Variants in MARCHF1 observed in about 807,000 individuals in gnomAD.
The protein encoded by MARCHF1 is E3 ubiquitin-protein ligase MARCHF1.
In MARCHF1, 40 loss-of-function variants were observed where a neutral mutation model predicts 54.2. The observed-to-expected ratio is 0.74, with a 90% CI of 0.57 to 0.96. The LOEUF (loss-of-function observed/expected upper bound fraction) is 0.96. Among genes scored for constraint, MARCHF1 ranks in the 40% least tolerant of loss-of-function variants. The pLI, the probability that MARCHF1 is intolerant of heterozygous loss-of-function variation, is 0.00. For synonymous variants in MARCHF1, 236 were observed against 236.3 expected, an observed-to-expected ratio of 1.00 and a Z score of 0.01; for missense variants, 586 against 656.5, an observed-to-expected ratio of 0.89 and a Z score of 1.17.
intron 3 of MARCHF1, among the ~76,000 whole-genome samples, chr4:163,913,520 T>C (rs1751241467): frequency 1.3e-5 from 2 of 152,168 alleles, no homozygotes; most frequent in South Asian, 2.1e-4. Context: ...CCACTACCTC[T>C]ATGGAATCCT....
intron 4 of MARCHF1, among the ~76,000 whole-genome samples, chr4:163,796,066 A>C (rs1747905863): frequency 6.6e-6 from 1 of 152,036 alleles, no homozygotes; most frequent in South Asian, 2.1e-4. Flanking sequence ...AGGAGCAAAA[A>C]GAGGGGTTGG....
intron 2 of MARCHF1, among the ~76,000 whole-genome samples, chr4:164,035,930 T>TAAA (rs35474146): frequency 6.0e-5 from 7 of 116,562 alleles, no homozygotes; most frequent in Admixed American, 9.2e-5. Flanking sequence ...AAACTAAAAC[T>TAAA]AAAAAAAAAA....
Position 163,634,774 on chromosome 4 carries a change from C to G in MARCHF1, c.163-21381G>C, listed in dbSNP as rs960563024. 3.9e-4 allele frequency among the ~76,000 whole-genome samples: 56 copies of G among 143,502 alleles called. 1 individual carries two copies. The highest frequency in any genetic ancestry group is 1.4e-3 in the African/African-American group (54 of 37,396). The allele number at this position is 143,502 out of a possible 152,430, so 94.1% of individuals were successfully genotyped here. A position where few individuals can be genotyped will look rare whatever the true frequency, so the allele number is the denominator to read the frequency against. ...AATAGACATCTACAGAAGTCTCCAC[C>G]CCAAATCAACAGAATATACATTTTT... On this transcript the variant is annotated intron_variant, in intron 5 of 9. Transcript: ENST00000514618.
chr4:163,700,992 C>T (rs1230392017), intron 4 of MARCHF1, 129 bp from the exon 5 acceptor site: 4 of 614,894 alleles, frequency 6.5e-6, no homozygotes, highest in Non-Finnish European at 8.6e-6. Flanking sequence ...GACTAATACA[C>T]ATATTAATTG....
chr4:163,752,561 T>A (rs1746555111), intron 4 of MARCHF1, among the ~76,000 whole-genome samples: 1 of 152,192 alleles, frequency 6.6e-6, no homozygotes, highest in Non-Finnish European at 1.5e-5. Context: ...GCATTATTAT[T>A]ATAAAAAGAA....
chr4:164,155,528 C>G (rs2110922920), intron 1 of MARCHF1, among the ~76,000 whole-genome samples: 1 of 152,252 alleles, frequency 6.6e-6, no homozygotes, highest in East Asian at 1.9e-4. Context: ...ACACACTTAA[C>G]AGTTCTTGTT....
At chr4:163,656,217 A>G (rs1743135331) in intron 5 of MARCHF1, among the ~76,000 whole-genome samples, 1 of 151,982 alleles carries the variant, frequency 6.6e-6, no homozygotes, top group Non-Finnish European at 1.5e-5. Flanking sequence ...AAAATGACAA[A>G]GAGGATATCA....
chr4:164,188,657 G>T, intron 1 of MARCHF1: 1 of 1,090,824 alleles, frequency 9.2e-7, no homozygotes, highest in South Asian at 1.2e-5. Context: ...CACGGTCTTT[G>T]ACGCCAAGTG....
At chr4:163,587,386 G>A (rs1420498657) in intron 7 of MARCHF1, among the ~76,000 whole-genome samples, 1 of 152,124 alleles carries the variant, frequency 6.6e-6, no homozygotes, top group Non-Finnish European at 1.5e-5. Context: ...ATCAGTGGTG[G>A]ACTGCATAAA....
At chr4:164,340,416 T>TATATATATATAC (rs1729886208) in intron 1 of MARCHF1, among the ~76,000 whole-genome samples, 1 of 107,432 alleles carries the variant, frequency 9.3e-6, no homozygotes, top group Non-Finnish European at 1.9e-5. Flanking sequence ...TATATATAGA[T>TATATATATATAC]ATATATATAT....
intron 3 of MARCHF1, among the ~76,000 whole-genome samples, chr4:163,936,572 G>C (rs114488774): frequency 3.3e-5 from 5 of 152,144 alleles, no homozygotes; most frequent in African/African-American, 1.2e-4. Context: ...GCTAATGATG[G>C]TACTTCAAGC....
intron 2 of MARCHF1, among the ~76,000 whole-genome samples, chr4:163,996,924 ACTTCTAGCCTCCAGAAC>A (rs1753088028): frequency 6.6e-6 from 1 of 151,988 alleles, no homozygotes; most frequent in South Asian, 2.1e-4. Context: ...TTTGATCTGG[ACTTCTAGCCTCCAGAAC>A]CATGACAATA....
intron 1 of MARCHF1, among the ~76,000 whole-genome samples, chr4:164,122,226 C>A (rs1443722034): frequency 2.0e-5 from 3 of 152,080 alleles, no homozygotes; most frequent in African/African-American, 7.2e-5. Flanking sequence ...GACAGTGATA[C>A]AAGAGTTAAG....
chr4:163,669,052 T>G (rs1743638556), intron 5 of MARCHF1, among the ~76,000 whole-genome samples: 2 of 152,174 alleles, frequency 1.3e-5, no homozygotes, highest in African/African-American at 4.8e-5. Context: ...TGCTTCAAGC[T>G]GAGTGATTTT....
rs112899031 is a variant in MARCHF1, at chr4:164,028,046, G to A, written c.-247-39337C>T. 3.0e-3 allele frequency among the ~76,000 whole-genome samples: 451 copies of A among 152,168 alleles called. 1 individual carries two copies. The highest frequency in any genetic ancestry group is 5.6e-3 in the Non-Finnish European group (381 of 67,992). On this transcript the variant is annotated intron_variant, in intron 2 of 9. Coordinates refer to ENST00000514618, the MANE Select transcript of MARCHF1 (RefSeq NM_001394959.1). Reference sequence around the variant, plus strand: ...CACAATATCTCATACTAGTCAAAATGGCTATTATTAAAAAGTCAAAAATAA... The same window carrying A: ...CACAATATCTCATACTAGTCAAAATAGCTATTATTAAAAAGTCAAAAATAA...
intron 1 of MARCHF1, among the ~76,000 whole-genome samples, chr4:164,196,663 A>AGTC (rs1731267704): frequency 2.0e-5 from 3 of 152,308 alleles, no homozygotes; most frequent in African/African-American, 7.2e-5. Flanking sequence ...AAAGGACTAT[A>AGTC]CTTAAAAGAA....
chr4:163,539,100 A>T (rs980430738), intron 9 of MARCHF1, among the ~76,000 whole-genome samples: 2 of 151,990 alleles, frequency 1.3e-5, no homozygotes, highest in African/African-American at 2.4e-5. Context: ...AGCTCACTGC[A>T]ACCTTTGACT....
intron 3 of MARCHF1, among the ~76,000 whole-genome samples, chr4:163,903,781 T>A (rs958873564): frequency 6.6e-6 from 1 of 151,966 alleles, no homozygotes; most frequent in Non-Finnish European, 1.5e-5. Flanking sequence ...CCAGCTAATT[T>A]TTTTGTATTT....
chr4:164,081,247 TTTGCATATTAAA>T (rs1374343301), intron 2 of MARCHF1, among the ~76,000 whole-genome samples: 1 of 107,216 alleles, frequency 9.3e-6, no homozygotes, highest in Non-Finnish European at 2.2e-5. Context: ...AGAAATATTA[TTTGCATATTAAA>T]TTGCCAAATT....
Sources: gnomAD v4.1 joint callset for allele counts (sites outside exome capture counted in the v4.1 genomes callset) on GRCh38, gnomAD v4.1.1 for gene constraint, MANE v1.5 for transcripts, NCBI Gene and HGNC (gene_info 2026-07-23, HGNC 2026-07-21) for gene names.